CFAP20DC: variants seen among roughly 807,000 people sequenced by gnomAD.
CFAP20DC encodes the protein protein CFAP20DC.
A neutral mutation model predicts 101.7 loss-of-function variants in CFAP20DC; 84 were observed. The ratio of observed to expected loss-of-function variants is 0.83; its 90% CI spans 0.69 to 0.99. The LOEUF (loss-of-function observed/expected upper bound fraction) is 0.99. CFAP20DC is among the 50% of genes least tolerant of loss of function. The probability of loss-of-function intolerance (pLI) is 0.00; values close to 1 mark genes in which losing one functional copy is unlikely to be tolerated. For missense variants in CFAP20DC, 1,007 were observed against 970.3 expected (o/e 1.04, Z -0.50); for synonymous variants, 359 against 351.2 (o/e 1.02, Z -0.25).
chr3:58,945,713 T>C (rs1468273291), intron 4 of CFAP20DC, among the ~76,000 whole-genome samples: 1 of 148,388 alleles, frequency 6.7e-6, no homozygotes, highest in Non-Finnish European at 1.5e-5. Flanking sequence ...TTTTTTTTTT[T>C]CTGAGACGGA....
In CFAP20DC at chr3:58,783,206, C is replaced by A. The variant is rs537142925; in HGVS notation, c.2237+23189G>T. Among the ~76,000 whole-genome samples the A allele has an allele frequency of 2.0e-5, 3 of 152,070 alleles. No individual in the cohort carries two copies. The Middle Eastern group carries it at 0.01, about 517-fold the overall frequency. ...AGGATAACCCCTTCAATAAATGGTG[C>A]TGGGAAAATTGGATATCCATATGCA... On this transcript the variant is annotated intron_variant, in intron 15 of 16. Coordinates refer to ENST00000482387, the MANE Select transcript of CFAP20DC (RefSeq NM_001394063.1).
chr3:58,922,765 T>G (rs994431673), intron 5 of CFAP20DC, among the ~76,000 whole-genome samples: 1 of 152,244 alleles, frequency 6.6e-6, no homozygotes, highest in South Asian at 2.1e-4. Flanking sequence ...TATTCCTTTA[T>G]AGCAACACAA....
At chr3:59,033,367 T>G (rs145050305) in intron 4 of CFAP20DC, among the ~76,000 whole-genome samples, 1 of 152,022 alleles carries the variant, frequency 6.6e-6, no homozygotes, top group Non-Finnish European at 1.5e-5. Context: ...CTGACAGAAG[T>G]AGGCTTGAGA....
chr3:58,968,451 C>G (rs757998535), intron 4 of CFAP20DC, among the ~76,000 whole-genome samples: 1 of 152,122 alleles, frequency 6.6e-6, no homozygotes, highest in Non-Finnish European at 1.5e-5. Flanking sequence ...CTGCATTTCT[C>G]TAATAATCAG....
chr3:58,877,452 T>A (rs1242283836), intron 7 of CFAP20DC, among the ~76,000 whole-genome samples: 1 of 152,240 alleles, frequency 6.6e-6, no homozygotes. Flanking sequence ...AATGTTCAAC[T>A]TGAGACTTAA....
chr3:58,789,033 A>G (rs766268533), intron 15 of CFAP20DC, among the ~76,000 whole-genome samples: 22 of 152,168 alleles, frequency 1.4e-4, no homozygotes, highest in South Asian at 2.1e-4. Flanking sequence ...AAATGTATCA[A>G]TTCCACACAG....
At chr3:58,840,842 T>C (rs1266783447) in intron 13 of CFAP20DC, among the ~76,000 whole-genome samples, 2 of 152,162 alleles carry the variant, frequency 1.3e-5, no homozygotes, top group Admixed American at 6.5e-5. Flanking sequence ...TTTTCTCCAT[T>C]TTATAGATGA....
At chr3:59,031,623 A>T (rs1353511303) in intron 4 of CFAP20DC, among the ~76,000 whole-genome samples, 1 of 152,234 alleles carries the variant, frequency 6.6e-6, no homozygotes, top group Non-Finnish European at 1.5e-5. Flanking sequence ...AGAAGATCTT[A>T]GTAAAAAGTT....
chr3:59,037,139 A>T (rs1207561950), intron 4 of CFAP20DC, among the ~76,000 whole-genome samples: 1 of 152,222 alleles, frequency 6.6e-6, no homozygotes, highest in African/African-American at 2.4e-5. Flanking sequence ...CTCAAGATAG[A>T]TTAAAGACTT....
chr3:58,810,141 C>G (rs2074487004), intron 14 of CFAP20DC, among the ~76,000 whole-genome samples: 1 of 152,136 alleles, frequency 6.6e-6, no homozygotes, highest in African/African-American at 2.4e-5. Flanking sequence ...GGAACTGGTA[C>G]CATTCCTTCT....
At chr3:58,765,488 ACC>A (rs147145137) in intron 15 of CFAP20DC, among the ~76,000 whole-genome samples, 4 of 139,710 alleles carry the variant, frequency 2.9e-5, no homozygotes, top group African/African-American at 2.7e-5. Flanking sequence ...AAAAAAAAAA[ACC>A]AAAAAAAAAA....
chr3:58,921,134 T>C (rs986237126), intron 5 of CFAP20DC, among the ~76,000 whole-genome samples: 3 of 152,118 alleles, frequency 2.0e-5, no homozygotes, highest in Admixed American at 6.6e-5. Flanking sequence ...GCAATGTGTA[T>C]GTTCTTTTTT....
At chr3:59,039,240 C>T (rs772475090) in intron 4 of CFAP20DC, among the ~76,000 whole-genome samples, 2 of 152,106 alleles carry the variant, frequency 1.3e-5, no homozygotes, top group East Asian at 3.9e-4. Context: ...CATAACATCG[C>T]CCTTCATTCA....
chr3:58,907,638 G>T (rs1323390761), intron 6 of CFAP20DC, among the ~76,000 whole-genome samples: 1 of 152,174 alleles, frequency 6.6e-6, no homozygotes, highest in African/African-American at 2.4e-5. Context: ...AATGTACTGT[G>T]TGGGAACATT....
At chr3:58,937,552 C>T (rs1022320475) in intron 5 of CFAP20DC, 96 bp downstream of exon 5, 6 of 766,334 alleles carry the variant, frequency 7.8e-6, no homozygotes, top group Non-Finnish European at 1.1e-5. Context: ...ATACCACCAT[C>T]GTACTTAACA....
At chr3:58,837,668 A>T (rs2076830267) in intron 13 of CFAP20DC, among the ~76,000 whole-genome samples, 1 of 152,202 alleles carries the variant, frequency 6.6e-6, no homozygotes, top group Non-Finnish European at 1.5e-5. Context: ...CTTAGCAGTG[A>T]AAAAAAGTAT....
intron 14 of CFAP20DC, among the ~76,000 whole-genome samples, chr3:58,811,867 G>C (rs556874159): frequency 0.021 from 3,093 of 146,986 alleles, 99 homozygotes; most frequent in African/African-American, 0.071. Context: ...AAGAAAAAAA[G>C]AAACGACCCC....
At chr3:58,866,233 C>G (rs190131283) in intron 11 of CFAP20DC, among the ~76,000 whole-genome samples, 5 of 152,312 alleles carry the variant, frequency 3.3e-5, no homozygotes. Flanking sequence ...GGGCTCAATG[C>G]TCTCAGCTCC....
At chr3:58,781,591 G>A (rs546017069) in intron 15 of CFAP20DC, among the ~76,000 whole-genome samples, 1 of 151,846 alleles carries the variant, frequency 6.6e-6, no homozygotes, top group African/African-American at 2.4e-5. Flanking sequence ...AATCAGAAAT[G>A]AAACCGAAGA....
Sources: gnomAD v4.1 joint callset for allele counts (sites outside exome capture counted in the v4.1 genomes callset) on GRCh38, gnomAD v4.1.1 for gene constraint, MANE v1.5 for transcripts, NCBI Gene and HGNC (gene_info 2026-07-23, HGNC 2026-07-21) for gene names.